AACS: variants seen among roughly 807,000 people sequenced by gnomAD.
The protein encoded by AACS is acetoacetyl-CoA synthetase.
Under a neutral mutation model 83.1 loss-of-function variants are expected in AACS, and 69 were observed. The observed-to-expected ratio is 0.83, with a 90% CI of 0.68 to 1.01. AACS has a LOEUF of 1.01. Ranked by LOEUF, AACS falls within the 50% of genes least tolerant of loss-of-function variation. AACS has a pLI of 0.00. For missense variants in AACS, 866 were observed against 882.2 expected, an observed-to-expected ratio of 0.98 and a Z score of 0.23; for synonymous variants, 333 against 343.4, an observed-to-expected ratio of 0.97 and a Z score of 0.33.
Position 125,084,594 on chromosome 12 carries a change from T to C in AACS, c.359-1736T>C, listed in dbSNP as rs61943931. 3.0e-4 allele frequency among the ~76,000 whole-genome samples: 43 copies of C among 143,060 alleles called. No homozygotes were observed. The East Asian group carries it at 4.6e-3, about 15-fold the overall frequency. 93.9% of individuals were successfully genotyped at this position (143,060 alleles called of 152,430 possible). On this transcript the variant is annotated intron_variant, in intron 3 of 17. Coordinates refer to ENST00000316519, the MANE Select transcript of AACS (RefSeq NM_023928.5). The stretch of plus-strand genomic sequence containing the variant: ...AGTTTTTAAATTTTTTTTTTTTTTT[T>C]CCAAGACAGAGTCTCACTCTGTCAC...
rs778142937 is a variant in AACS, at chr12:125,136,834, C to T, written c.1851C>T (p.Pro617=). 2 of 1,613,774 alleles carry T rather than the reference C, an allele frequency of 1.2e-6. No individual in the cohort carries two copies. Among genetic ancestry groups the T allele is most frequent in the South Asian group, 2.2e-5 (2 of 91,090 alleles). Residue 617 remains proline (P), a synonymous_variant, in exon 17 of 18, where the codon CCC becomes CCT. Coordinates refer to ENST00000316519, the MANE Select transcript of AACS (RefSeq NM_023928.5). Reference sequence around the variant, plus strand: ...TGGGCTTGTCTGCGCGACACGTGCCCAGCCTCATCCTGGAAACCAAGGGCA... The same window carrying T: ...TGGGCTTGTCTGCGCGACACGTGCCTAGCCTCATCCTGGAAACCAAGGGCA... The part of the protein sequence containing the change: ...IRMGLSARHV[P]SLILETKGIP...
At chr12:125,106,262 G>A (rs1956831721) in intron 7 of AACS, among the ~76,000 whole-genome samples, 1 of 152,214 alleles carries the variant, frequency 6.6e-6, no homozygotes, top group Non-Finnish European at 1.5e-5. Context: ...ATTCAAAATA[G>A]AAAACCACCT....
At chr12:125,075,133 C>A (rs1025079747) in intron 2 of AACS, among the ~76,000 whole-genome samples, 3 of 151,814 alleles carry the variant, frequency 2.0e-5, no homozygotes, top group African/African-American at 7.3e-5. Context: ...CGCCACCACG[C>A]CCAGCCAATT....
intron 4 of AACS, among the ~76,000 whole-genome samples, chr12:125,089,784 C>T: frequency 6.6e-6 from 1 of 152,028 alleles, no homozygotes; most frequent in African/African-American, 2.4e-5. Flanking sequence ...CTTCATCTAT[C>T]CTCCACCCAT....
Position 125,076,627 on chromosome 12 carries a change from G to A in AACS, c.358+16G>A, listed in dbSNP as rs578251529. Reference sequence around the variant, plus strand: ...TACATTGCAAGTAAGTCCTGATGGCGAGACCTGGGATTTCCTCCGTGGAAG... The same window carrying A: ...TACATTGCAAGTAAGTCCTGATGGCAAGACCTGGGATTTCCTCCGTGGAAG... On this transcript the variant is annotated intron_variant, in intron 3 of 17. Coordinates refer to ENST00000316519, the MANE Select transcript of AACS (RefSeq NM_023928.5). 34 of 1,613,590 alleles carry A rather than the reference G, an allele frequency of 2.1e-5. No individual in the cohort carries two copies. In the South Asian group the frequency reaches 2.6e-4, roughly 13 times the overall value.
intron 1 of AACS, among the ~76,000 whole-genome samples, chr12:125,072,950 T>TAA (rs1955915309): frequency 7.7e-6 from 1 of 130,224 alleles, no homozygotes; most frequent in East Asian, 2.2e-4. Context: ...TTTTTTGAGA[T>TAA]GGAGTTTCGC....
At chr12:125,086,767 G>A (rs554192440) in intron 4 of AACS, among the ~76,000 whole-genome samples, 10 of 152,102 alleles carry the variant, frequency 6.6e-5, no homozygotes, top group Non-Finnish European at 1.0e-4. Context: ...CTTGCTGGAG[G>A]GATGAAGGCG....
chr12:125,094,640 AC>A lies in AACS; in HGVS notation c.570+3120del, dbSNP rs915895061. Among the ~76,000 whole-genome samples the A allele has an allele frequency of 6.6e-6, 1 of 151,846 alleles. No homozygotes were observed. Among genetic ancestry groups the A allele is most frequent in the African/African-American group, 2.4e-5 (1 of 41,302 alleles). Reference sequence around the variant, plus strand: ...CGTCACTCCCCTGTGCTTTACTTCTACCCATTCCATGCTCTCTCCCACCACT... The same window carrying A: ...CGTCACTCCCCTGTGCTTTACTTCTACCATTCCATGCTCTCTCCCACCACT... On this transcript the variant is annotated intron_variant, in intron 5 of 17. Transcript: ENST00000316519. The surrounding 1 kb of genome is among the most constrained non-coding windows in gnomAD (Gnocchi z 4.1).
chr12:125,082,364 T>TG (rs1326977052), intron 3 of AACS, among the ~76,000 whole-genome samples: 11 of 148,950 alleles, frequency 7.4e-5, no homozygotes, highest in Non-Finnish European at 1.5e-4. Flanking sequence ...TTTTAAGAGA[T>TG]GGGGTCTCCC....
At chr12:125,098,579 G>A (rs1353579464) in intron 5 of AACS, among the ~76,000 whole-genome samples, 1 of 151,856 alleles carries the variant, frequency 6.6e-6, no homozygotes, top group Admixed American at 6.6e-5. Flanking sequence ...AGCCTTCCAA[G>A]TAGCTGAGAC....
chr12:125,097,687 C>A lies in AACS; in HGVS notation c.571-4992C>A, dbSNP rs1956637769. ...CCTGAGAGCACTTCAGCCTTCCTTCCCCCTGTCCAGTCAGCACTGGCGGGG... is the reference window on the plus strand; with the variant it reads ...CCTGAGAGCACTTCAGCCTTCCTTCACCCTGTCCAGTCAGCACTGGCGGGG... On this transcript the variant is annotated intron_variant, in intron 5 of 17. Transcript: ENST00000316519. The surrounding 1 kb of genome is among the most constrained non-coding windows in gnomAD (Gnocchi z 4.3). 6.6e-6 allele frequency among the ~76,000 whole-genome samples: 1 copy of A among 152,180 alleles called. No homozygotes were observed. Among genetic ancestry groups the A allele is most frequent in the African/African-American group, 2.4e-5 (1 of 41,438 alleles).
rs772650530 is a variant in AACS at position 125,076,456 on chromosome 12, G to A, written c.238-35G>A. 1.6e-5 allele frequency: 26 copies of A among 1,610,088 alleles called. No individual in the cohort carries two copies. In the East Asian group the frequency reaches 5.8e-4, roughly 36 times the overall value. ...TTGCTGATCTGTAGCGTAGTCTCAT[G>A]TGTGTGCGTCTTGGTTTGTTGTCAT... is the stretch of plus-strand genomic sequence containing the variant. On this transcript the variant is annotated intron_variant, in intron 2 of 17. Transcript: ENST00000316519.
chr12:125,124,892 T>C lies in AACS; in HGVS notation c.1187-10T>C, dbSNP rs1033806943. On this transcript the variant is annotated splice_polypyrimidine_tract_variant and intron_variant, in intron 11 of 17. Coordinates refer to ENST00000316519, the MANE Select transcript of AACS (RefSeq NM_023928.5). ...TTTAGTTTTAATCTTTTGGTGACTCTGCACCCCAGTGGAAACCCACAGTCT... is the reference window on the plus strand; with the variant it reads ...TTTAGTTTTAATCTTTTGGTGACTCCGCACCCCAGTGGAAACCCACAGTCT... 1 of 1,614,188 alleles carries C rather than the reference T, an allele frequency of 6.2e-7. No homozygotes were observed.
In AACS at chr12:125,129,877, C is replaced by T. The variant is rs1957304859; in HGVS notation, c.1549+417C>T. 6.6e-6 allele frequency among the ~76,000 whole-genome samples: 1 copy of T among 152,150 alleles called. No homozygotes were observed. The highest frequency in any genetic ancestry group is 2.1e-4 in the South Asian group (1 of 4,828). ...CTTCCTTCGTGTCTCTCACCATCAT[C>T]CAGTCCTCATGGAGATGCTGGAGGA... On this transcript the variant is annotated intron_variant, in intron 14 of 17. Transcript: ENST00000316519. This position sits in a 1 kb window ranked among gnomAD's most constrained non-coding sequence, Gnocchi z 4.3.
rs1464312376 is a variant in AACS at position 125,094,334 on chromosome 12, T to C, written c.570+2811T>C. ...GTCTTCCCTTTGGAATCATGTTTTC[T>C]CTTGCTTTGAAATTATATTTCTTTG... On this transcript the variant is annotated intron_variant, in intron 5 of 17. Coordinates refer to ENST00000316519, the MANE Select transcript of AACS (RefSeq NM_023928.5). This position sits in a 1 kb window ranked among gnomAD's most constrained non-coding sequence, Gnocchi z 4.1. 6.6e-6 allele frequency among the ~76,000 whole-genome samples: 1 copy of C among 152,238 alleles called. No homozygotes were observed. The highest frequency in any genetic ancestry group is 6.5e-5 in the Admixed American group (1 of 15,284).
intron 4 of AACS, 43 bp downstream of exon 4, chr12:125,086,486 A>G (rs375855573): frequency 1.1e-5 from 17 of 1,564,196 alleles, no homozygotes; most frequent in African/African-American, 8.1e-5. Context: ...GGAGGAGACC[A>G]AGGTAGAATG....
chr12:125,085,454 G>A (rs1054895308), intron 3 of AACS, among the ~76,000 whole-genome samples: 2 of 151,910 alleles, frequency 1.3e-5, no homozygotes, highest in South Asian at 2.1e-4. Flanking sequence ...GCACGTGCAC[G>A]TTGCATCCAC....
chr12:125,108,510 C>T (rs922833569), intron 8 of AACS, among the ~76,000 whole-genome samples: 2 of 152,054 alleles, frequency 1.3e-5, no homozygotes, highest in Non-Finnish European at 1.5e-5. Flanking sequence ...CTTCAACATA[C>T]GAATTTTGGG....
intron 3 of AACS, among the ~76,000 whole-genome samples, chr12:125,080,619 C>T (rs2136052383): frequency 9.3e-6 from 1 of 107,074 alleles, no homozygotes; most frequent in Non-Finnish European, 1.9e-5. Flanking sequence ...CCTGTCTTCT[C>T]TTCACTCCCA....
Sources: allele counts gnomAD v4.1 joint callset (sites outside exome capture counted in the v4.1 genomes callset), GRCh38; gene constraint gnomAD v4.1.1; non-coding constraint Gnocchi (gnomAD v3.1); transcripts MANE v1.5; gene names NCBI Gene and HGNC (gene_info 2026-07-23, HGNC 2026-07-21).